The following SV2C variants were observed in gnomAD, a reference collection of about 807,000 sequenced individuals.
The protein encoded by SV2C is solute carrier family 22 member B3.
In SV2C, 49 loss-of-function variants were observed where a neutral mutation model predicts 79.7. The ratio of observed to expected loss-of-function variants is 0.61; its 90% CI spans 0.49 to 0.78. The LOEUF (loss-of-function observed/expected upper bound fraction) is 0.78. Ranked by LOEUF, SV2C falls within the 30% of genes least tolerant of loss-of-function variation. The pLI is 0.00. For synonymous variants in SV2C, 334 were observed against 333.2 expected (o/e 1.00, Z -0.03); for missense variants, 833 against 912.9 (o/e 0.91, Z 1.13).
At chr5:76,309,376 G>A (rs552808257) in intron 12 of SV2C, among the ~76,000 whole-genome samples, 2 of 152,048 alleles carry the variant, frequency 1.3e-5, no homozygotes, top group East Asian at 1.9e-4. Context: ...CAAGGCAGGC[G>A]GATTACGAGG....
At chr5:76,001,738 A>G in the SV2C span, among the ~76,000 whole-genome samples, 1 of 152,198 alleles carries the variant, frequency 6.6e-6, no homozygotes, top group African/African-American at 2.4e-5. Context: ...AGTCATTTGC[A>G]CTGGAGTTCC....
the SV2C span, among the ~76,000 whole-genome samples, chr5:75,979,213 G>A: frequency 6.6e-6 from 1 of 152,034 alleles, no homozygotes; most frequent in Non-Finnish European, 1.5e-5. Flanking sequence ...CCCAACACAG[G>A]TGCACCCAGA....
At chr5:75,976,096 G>A in the SV2C span, among the ~76,000 whole-genome samples, 3 of 152,226 alleles carry the variant, frequency 2.0e-5, no homozygotes, top group African/African-American at 7.2e-5. Context: ...AGTTTGAATG[G>A]CAGGTATAGT....
intron 2 of SV2C, among the ~76,000 whole-genome samples, chr5:76,189,503 G>T (rs1374141022): frequency 6.6e-6 from 1 of 152,136 alleles, no homozygotes; most frequent in Non-Finnish European, 1.5e-5. Context: ...GACTAAATCA[G>T]GTCTGGTAAT....
In SV2C at chr5:76,234,412, T is replaced by C. The variant is rs1324258698; in HGVS notation, c.913+24525T>C. Among the ~76,000 whole-genome samples, 4 of 152,338 alleles carry C rather than the reference T, an allele frequency of 2.6e-5. No individual in the cohort carries two copies. In the East Asian group the frequency reaches 7.7e-4, roughly 29 times the overall value. On this transcript the variant is annotated intron_variant, in intron 4 of 12. Transcript: ENST00000502798. ...AACTCAGTGTAACATATTCCAGGTG[T>C]TCTTTCAATGATCTTATACAAAAGA...
chr5:76,202,347 A>C (rs1178285439), intron 3 of SV2C, among the ~76,000 whole-genome samples: 1 of 152,180 alleles, frequency 6.6e-6, no homozygotes, highest in Non-Finnish European at 1.5e-5. Context: ...CATATATCTT[A>C]ACTGTATGTC....
Position 76,325,609 on chromosome 5 carries a change from G to C in SV2C, c.*62G>C. 1.9e-6 allele frequency: 3 copies of C among 1,584,630 alleles called. No homozygotes were observed. The highest frequency in any genetic ancestry group is 2.6e-6 in the Non-Finnish European group (3 of 1,167,626). The stretch of plus-strand genomic sequence containing the variant: ...CTGCCCTGGGTCAATTCTCCTTCCT[G>C]ACTCAAGGCTTCAGAGTTTTCCTAT... On this transcript the variant is annotated 3_prime_UTR_variant, in exon 13 of 13. Transcript: ENST00000502798.
chr5:75,905,651 T>C, the SV2C span, among the ~76,000 whole-genome samples: 1 of 151,980 alleles, frequency 6.6e-6, no homozygotes. Context: ...TCCCAGCTGG[T>C]GGTGTCAGGT....
the SV2C span, among the ~76,000 whole-genome samples, chr5:75,999,839 C>G: frequency 6.6e-6 from 1 of 152,116 alleles, no homozygotes; most frequent in African/African-American, 2.4e-5. Context: ...TAAGATGGTG[C>G]CTTATTGTTG....
chr5:76,227,414 T>G (rs1371076552), intron 4 of SV2C, among the ~76,000 whole-genome samples: 2 of 152,158 alleles, frequency 1.3e-5, no homozygotes, highest in African/African-American at 4.8e-5. Context: ...CCTGTCTGGC[T>G]CAAAGGGGGT....
intron 2 of SV2C, among the ~76,000 whole-genome samples, chr5:76,139,865 T>TCTAGAATAAATATCTA (rs1749196504): frequency 1.6e-5 from 1 of 63,736 alleles, no homozygotes; most frequent in African/African-American, 3.9e-5. Flanking sequence ...TATTTTTTTT[T>TCTAGAATAAATATCTA]TTTTTTTTTT....
At chr5:76,239,986 C>G (rs1368727657) in intron 4 of SV2C, among the ~76,000 whole-genome samples, 1 of 152,160 alleles carries the variant, frequency 6.6e-6, no homozygotes, top group Non-Finnish European at 1.5e-5. Flanking sequence ...TATTTTCCTC[C>G]CTGTCTTAAG....
the SV2C span, chr5:75,911,909 C>T: frequency 2.0e-6 from 1 of 489,810 alleles, no homozygotes; most frequent in Non-Finnish European, 4.1e-6. Flanking sequence ...CCACACCTCC[C>T]CAAAGAAGCT....
the SV2C span, among the ~76,000 whole-genome samples, chr5:75,974,579 G>T: frequency 6.6e-6 from 1 of 151,694 alleles, no homozygotes; most frequent in African/African-American, 2.4e-5. Context: ...TTACCTGATT[G>T]ATTTGTAGTA....
At chr5:75,997,171 T>A in the SV2C span, among the ~76,000 whole-genome samples, 1 of 152,084 alleles carries the variant, frequency 6.6e-6, no homozygotes, top group East Asian at 1.9e-4. Context: ...CAATACCTAA[T>A]TTATTGAGAG....
intron 8 of SV2C, among the ~76,000 whole-genome samples, chr5:76,295,485 C>G (rs1179293081): frequency 6.6e-6 from 1 of 152,144 alleles, no homozygotes; most frequent in Non-Finnish European, 1.5e-5. Context: ...GACCAGGCAC[C>G]ATGTATGGGC....
chr5:76,110,834 A>T (rs1748073092), intron 1 of SV2C, among the ~76,000 whole-genome samples: 2 of 152,222 alleles, frequency 1.3e-5, no homozygotes, highest in Admixed American at 1.3e-4. Context: ...TGGTGCAAAG[A>T]ACATGAGTGT....
chr5:76,305,859 A>C (rs1245188855), intron 12 of SV2C, among the ~76,000 whole-genome samples: 6 of 152,236 alleles, frequency 3.9e-5, no homozygotes, highest in Non-Finnish European at 8.8e-5. Flanking sequence ...GAGCACTTAC[A>C]CACTGACTGG....
chr5:76,173,707 A>G lies in SV2C; in HGVS notation c.581-21212A>G, dbSNP rs775497502. 1.2e-4 allele frequency: 191 copies of G among 1,613,650 alleles called. 1 individual carries two copies. The highest frequency in any genetic ancestry group is 1.5e-5 in the Non-Finnish European group (18 of 1,179,634). On this transcript the variant is annotated intron_variant, in intron 2 of 12. Transcript: ENST00000502798. ...TTCTGTTAATTTGCCGCACTAGGTC[A>G]TAAAAGATCTCATTAACATTTATTT... is the stretch of plus-strand genomic sequence containing the variant.
Sources: gnomAD v4.1 joint callset for allele counts (sites outside exome capture counted in the v4.1 genomes callset) on GRCh38, gnomAD v4.1.1 for gene constraint, MANE v1.5 for transcripts, NCBI Gene and HGNC (gene_info 2026-07-23, HGNC 2026-07-21) for gene names.